Variants in PPP1R1C observed in about 807,000 individuals in gnomAD.
The protein encoded by PPP1R1C is protein phosphatase 1 regulatory subunit 1C.
Under a neutral mutation model 17.4 loss-of-function variants are expected in PPP1R1C, and 15 were observed. The ratio of observed to expected loss-of-function variants is 0.86; its 90% confidence interval spans 0.58 to 1.33. The LOEUF is 1.33. PPP1R1C is among the 40% of genes most tolerant of loss of function. The pLI, the probability that PPP1R1C is intolerant of heterozygous loss-of-function variation, is 0.00. For synonymous variants in PPP1R1C, 35 were observed against 43.1 expected (o/e 0.81, Z 0.73); for missense variants, 143 against 130.0 (o/e 1.10, Z -0.48).
At chr2:182,087,557 G>T (rs373490543) in intron 4 of PPP1R1C, among the ~76,000 whole-genome samples, 24 of 152,188 alleles carry the variant, frequency 1.6e-4, no homozygotes, top group East Asian at 1.2e-3. Flanking sequence ...TTTGTTTTTT[G>T]TGTGTGTGCA....
intron 2 of PPP1R1C, among the ~76,000 whole-genome samples, chr2:182,015,855 C>T (rs796602096): frequency 6.6e-6 from 1 of 152,074 alleles, no homozygotes; most frequent in African/African-American, 2.4e-5. Flanking sequence ...CCCAGAGCTG[C>T]GAGCTTCACT....
intron 4 of PPP1R1C, among the ~76,000 whole-genome samples, chr2:182,090,559 A>T (rs1228734838): frequency 4.6e-5 from 7 of 152,166 alleles, no homozygotes; most frequent in Non-Finnish European, 8.8e-5. Flanking sequence ...TAATGACTAG[A>T]TGAGTTCATT....
At chr2:182,102,162 T>C (rs915398141) in intron 4 of PPP1R1C, among the ~76,000 whole-genome samples, 1 of 152,218 alleles carries the variant, frequency 6.6e-6, no homozygotes, top group African/African-American at 2.4e-5. Context: ...AGTTCAGTAA[T>C]TGAGTGTATG....
intron 2 of PPP1R1C, among the ~76,000 whole-genome samples, chr2:182,047,140 C>T (rs1687372084): frequency 1.3e-5 from 2 of 152,210 alleles, no homozygotes; most frequent in South Asian, 4.1e-4. Flanking sequence ...CTCATGCTCA[C>T]CTCAATTATT....
chr2:182,018,647 T>C (rs955736669), intron 2 of PPP1R1C, among the ~76,000 whole-genome samples: 1 of 152,204 alleles, frequency 6.6e-6, no homozygotes. Flanking sequence ...ATTATTGTCA[T>C]TCTATGAGCT....
rs1388265121 is a variant in PPP1R1C at position 182,028,174 on chromosome 2, A to G, written c.143-33268A>G. ...TTTCAAAAAACCAGCTCCTGGATTCATTAATTTTTTGAAGGGTTTTTTGTG... is the reference window on the plus strand; with the variant it reads ...TTTCAAAAAACCAGCTCCTGGATTCGTTAATTTTTTGAAGGGTTTTTTGTG... On this transcript the variant is annotated intron_variant, in intron 2 of 4. Coordinates refer to ENST00000682840, the MANE Select transcript of PPP1R1C (RefSeq NM_001080545.3). Among the ~76,000 whole-genome samples the G allele has an allele frequency of 3.1e-5, 4 of 131,038 alleles. No homozygotes were observed. The Admixed American group carries it at 3.2e-4, about 10-fold the overall frequency. 86.0% of individuals were successfully genotyped at this position (131,038 alleles called of 152,430 possible). A position where few individuals can be genotyped will look rare whatever the true frequency, so the allele number is the denominator to read the frequency against.
intron 2 of PPP1R1C, among the ~76,000 whole-genome samples, chr2:182,040,593 C>T (rs1687152273): frequency 6.6e-6 from 1 of 152,130 alleles, no homozygotes; most frequent in Admixed American, 6.5e-5. Context: ...TATTTTCTCC[C>T]ATTTCATGGG....
intron 2 of PPP1R1C, among the ~76,000 whole-genome samples, chr2:181,999,136 T>C (rs1406077086): frequency 1.3e-5 from 2 of 152,230 alleles, no homozygotes; most frequent in African/African-American, 4.8e-5. Flanking sequence ...ACTTTTCATT[T>C]AGACAGTTAC....
At chr2:182,113,936 A>G (rs554104219) in intron 4 of PPP1R1C, among the ~76,000 whole-genome samples, 1 of 152,310 alleles carries the variant, frequency 6.6e-6, no homozygotes, top group East Asian at 1.9e-4. Flanking sequence ...TCACTCAGTT[A>G]CTTCACAACT....
At chr2:182,083,156 A>G (rs1254853671) in intron 4 of PPP1R1C, among the ~76,000 whole-genome samples, 1 of 152,186 alleles carries the variant, frequency 6.6e-6, no homozygotes, top group African/African-American at 2.4e-5. Context: ...GAAAGATTAG[A>G]TTATTGTCAT....
intron 1 of PPP1R1C, among the ~76,000 whole-genome samples, chr2:181,963,455 A>G (rs1684846161): frequency 6.6e-6 from 1 of 152,188 alleles, no homozygotes; most frequent in Admixed American, 6.5e-5. Flanking sequence ...CCTGGCCAAC[A>G]TGGTGAAACC....
intron 2 of PPP1R1C, among the ~76,000 whole-genome samples, chr2:182,053,960 C>T (rs1222897688): frequency 6.6e-6 from 1 of 151,770 alleles, no homozygotes; most frequent in East Asian, 1.9e-4. Flanking sequence ...TTATATTTTC[C>T]TCTGGGATTA....
chr2:182,125,010 T>C (rs1689840616), intron 5 of PPP1R1C, among the ~76,000 whole-genome samples: 1 of 152,172 alleles, frequency 6.6e-6, no homozygotes, highest in South Asian at 2.1e-4. Context: ...ATTTTGCCCA[T>C]TCAGTATGAT....
intron 2 of PPP1R1C, among the ~76,000 whole-genome samples, chr2:182,021,520 G>T (rs1293587168): frequency 1.3e-5 from 2 of 151,724 alleles, no homozygotes; most frequent in Admixed American, 6.6e-5. Context: ...TAGAGACAGG[G>T]TTTCACCATG....
At position 181,991,938 on chromosome 2, in the gene PPP1R1C, A is replaced by G. The variant is rs558898305; in HGVS notation, c.142+4039A>G. Among the ~76,000 whole-genome samples the G allele has an allele frequency of 4.6e-5, 7 of 152,296 alleles. No homozygotes were observed. In the South Asian group the frequency reaches 1.0e-3, roughly 23 times the overall value. ...CTGTAGGGAAATAAATGGCAAAGAT[A>G]CTTTCTGTAATTTATTCCATCACAT... On this transcript the variant is annotated intron_variant, in intron 2 of 4. Coordinates refer to ENST00000682840, the MANE Select transcript of PPP1R1C (RefSeq NM_001080545.3).
chr2:182,098,877 A>G (rs1156311957), intron 4 of PPP1R1C, among the ~76,000 whole-genome samples: 3 of 152,348 alleles, frequency 2.0e-5, no homozygotes, highest in Admixed American at 6.5e-5. Flanking sequence ...GCCTTGCATT[A>G]TCTTTACCTA....
At chr2:182,073,421 A>T (rs1378232580) in intron 4 of PPP1R1C, among the ~76,000 whole-genome samples, 1 of 152,222 alleles carries the variant, frequency 6.6e-6, no homozygotes, top group Non-Finnish European at 1.5e-5. Flanking sequence ...ACAAAATTAT[A>T]AATTCATTCA....
intron 2 of PPP1R1C, among the ~76,000 whole-genome samples, chr2:182,049,175 C>A (rs1162928425): frequency 6.6e-6 from 1 of 151,840 alleles, no homozygotes; most frequent in Non-Finnish European, 1.5e-5. Context: ...TCTACTAATA[C>A]AAAAGTGAGC....
At chr2:182,051,562 A>G (rs1454326839) in intron 2 of PPP1R1C, among the ~76,000 whole-genome samples, 1 of 152,152 alleles carries the variant, frequency 6.6e-6, no homozygotes, top group Non-Finnish European at 1.5e-5. Flanking sequence ...TACTTCATAA[A>G]CTTACATGGC....
Sources: allele counts gnomAD v4.1 joint callset (sites outside exome capture counted in the v4.1 genomes callset), GRCh38; gene constraint gnomAD v4.1.1; transcripts MANE v1.5; gene names NCBI Gene and HGNC (gene_info 2026-07-23, HGNC 2026-07-21).